ARHGAP22: variants seen among roughly 807,000 people sequenced by gnomAD.
ARHGAP22 encodes rho GTPase-activating protein 22.
In ARHGAP22, 48 loss-of-function variants were observed where a neutral mutation model predicts 59.1. That is an observed-to-expected ratio of 0.81 (90% CI 0.64 to 1.03). The LOEUF (loss-of-function observed/expected upper bound fraction) is 1.03. Among genes scored for constraint, ARHGAP22 ranks in the 50% least tolerant of loss-of-function variants. The pLI is 0.00. For synonymous variants in ARHGAP22, 445 were observed against 416.4 expected, an observed-to-expected ratio of 1.07 and a Z score of -0.84; for missense variants, 1,015 against 958.7, an observed-to-expected ratio of 1.06 and a Z score of -0.78.
intron 1 of ARHGAP22, among the ~76,000 whole-genome samples, chr10:48,624,694 C>T (rs1259995460): frequency 6.6e-6 from 1 of 152,170 alleles, no homozygotes; most frequent in Non-Finnish European, 1.5e-5. Context: ...ATTGGGTTAA[C>T]CAGAAGACAG....
chr10:48,521,874 A>T (rs2053836030), intron 3 of ARHGAP22, among the ~76,000 whole-genome samples: 2 of 152,244 alleles, frequency 1.3e-5, no homozygotes, highest in African/African-American at 4.8e-5. Flanking sequence ...TAGCAGGCAC[A>T]ACTGTGCCAG....
chr10:48,502,301 T>C (rs1272147809), intron 3 of ARHGAP22, among the ~76,000 whole-genome samples: 4 of 152,182 alleles, frequency 2.6e-5, no homozygotes, highest in Non-Finnish European at 2.9e-5. Context: ...AGGAGGACTC[T>C]GATTTTTCTC....
At chr10:48,430,599 A>C in the ARHGAP22 span, 5 of 152,766 alleles carry the variant, frequency 3.3e-5, no homozygotes, top group African/African-American at 1.2e-4. Flanking sequence ...AGAGAAAAAG[A>C]TTCCCATGGA....
chr10:48,460,439 A>C (rs1051013664), intron 4 of ARHGAP22, among the ~76,000 whole-genome samples: 4 of 152,174 alleles, frequency 2.6e-5, no homozygotes, highest in Non-Finnish European at 4.4e-5. Flanking sequence ...ATACCACCTC[A>C]CACCCACTAG....
intron 7 of ARHGAP22, 140 bp from the exon 8 acceptor site, chr10:48,453,565 G>T: frequency 7.7e-7 from 1 of 1,303,656 alleles, no homozygotes; most frequent in Non-Finnish European, 1.1e-6. Context: ...GCCTGCCTCT[G>T]CCAGGCTCGA....
At chr10:48,520,043 C>T (rs551407910) in intron 3 of ARHGAP22, among the ~76,000 whole-genome samples, 2 of 152,102 alleles carry the variant, frequency 1.3e-5, no homozygotes, top group Non-Finnish European at 2.9e-5. Flanking sequence ...GCCTCCAGGG[C>T]AGGAGCACAG....
intron 4 of ARHGAP22, among the ~76,000 whole-genome samples, chr10:48,478,738 T>C (rs2048978934): frequency 6.6e-6 from 1 of 152,140 alleles, no homozygotes; most frequent in African/African-American, 2.4e-5. Context: ...GAGTCACCTT[T>C]CATTTCTCTC....
At chr10:48,648,254 A>C (rs1317549006) in intron 1 of ARHGAP22, among the ~76,000 whole-genome samples, 1 of 152,190 alleles carries the variant, frequency 6.6e-6, no homozygotes, top group Non-Finnish European at 1.5e-5. Context: ...CATGAAGAAA[A>C]AAAGATGGGA....
intron 3 of ARHGAP22, among the ~76,000 whole-genome samples, chr10:48,512,394 TA>T (rs1458573516): frequency 6.6e-6 from 1 of 152,262 alleles, no homozygotes; most frequent in East Asian, 1.9e-4. Context: ...GGACAATTAA[TA>T]AAGTCCACTT....
intron 2 of ARHGAP22, among the ~76,000 whole-genome samples, chr10:48,572,452 C>A (rs1588866074): frequency 6.6e-6 from 1 of 152,214 alleles, no homozygotes; most frequent in East Asian, 1.9e-4. Flanking sequence ...CTGGCTCTGA[C>A]CAGTTAACAA....
At chr10:48,458,431 G>A (rs1423564007) in intron 5 of ARHGAP22, among the ~76,000 whole-genome samples, 2 of 152,094 alleles carry the variant, frequency 1.3e-5, no homozygotes, top group Non-Finnish European at 2.9e-5. Context: ...GAGAGCAGGT[G>A]TGCCCAGGTG....
At chr10:48,637,611 A>G (rs967636902) in intron 1 of ARHGAP22, among the ~76,000 whole-genome samples, 1 of 151,860 alleles carries the variant, frequency 6.6e-6, no homozygotes, top group African/African-American at 2.4e-5. Context: ...GGGTGGGTGA[A>G]TGGATGGATG....
chr10:48,569,485 G>A (rs1329669308), intron 2 of ARHGAP22, among the ~76,000 whole-genome samples: 1 of 152,172 alleles, frequency 6.6e-6, no homozygotes, highest in Non-Finnish European at 1.5e-5. Flanking sequence ...ATGCTCTTCT[G>A]AACAATGAAT....
chr10:48,453,351 G>A lies in ARHGAP22; in HGVS notation c.941C>T (p.Pro314Leu). ...CTCTACCTGTGGCCGCAGAATGTTA[G>A]GTCCAAAAACGGTTGCCAGATTCTG... ...SVQNLATVFG[P>L]NILRPQVEDP... The change falls in exon 8 of 10, where the codon CCT becomes CTT. Residue 314 changes from proline to leucine, a missense_variant. By Grantham distance (98) the Pro-to-Leu change is moderately conservative. Transcript: ENST00000249601. The A allele has an allele frequency of 6.2e-7, 1 of 1,614,044 alleles. No individual in the cohort carries two copies. The highest frequency in any genetic ancestry group is 8.5e-7 in the Non-Finnish European group (1 of 1,179,998).
chr10:48,560,245 A>G (rs76954111), intron 2 of ARHGAP22, among the ~76,000 whole-genome samples: 3,905 of 152,250 alleles, frequency 0.026, 58 homozygotes, highest in Middle Eastern at 0.051. Flanking sequence ...AAAAATGCCT[A>G]CTGGGATTGT....
chr10:48,565,958 G>A (rs545072326), intron 2 of ARHGAP22, among the ~76,000 whole-genome samples: 123 of 152,216 alleles, frequency 8.1e-4, no homozygotes, highest in African/African-American at 2.9e-3. Flanking sequence ...AGTGTGTGAT[G>A]ACAGTCCATG....
At chr10:48,487,205 C>A (rs2049946390) in intron 3 of ARHGAP22, among the ~76,000 whole-genome samples, 2 of 152,152 alleles carry the variant, frequency 1.3e-5, no homozygotes, top group African/African-American at 2.4e-5. Flanking sequence ...GGTTATCCTG[C>A]AGCTCGCTGA....
At chr10:48,618,341 C>T (rs1178222212) in intron 1 of ARHGAP22, among the ~76,000 whole-genome samples, 2 of 152,022 alleles carry the variant, frequency 1.3e-5, no homozygotes, top group African/African-American at 4.8e-5. Context: ...CAAATTCATT[C>T]CATGAGCCTA....
rs936155327 is a variant in ARHGAP22 at position 48,556,858 on chromosome 10, G to C, written c.235-1308C>G. ...GGGGCAAAGTCACCTGCTGTATCCA[G>C]GTCGCCTCCTGCCTCTACCCCCATG... On this transcript the variant is annotated intron_variant, in intron 2 of 9. Transcript: ENST00000249601. 4.1e-4 allele frequency among the ~76,000 whole-genome samples: 62 copies of C among 152,066 alleles called. 1 individual carries two copies. The highest frequency in any genetic ancestry group is 6.2e-4 in the Non-Finnish European group (42 of 68,000).
Sources: gnomAD v4.1 joint callset for allele counts (sites outside exome capture counted in the v4.1 genomes callset) on GRCh38, gnomAD v4.1.1 for gene constraint, MANE v1.5 for transcripts, NCBI Gene and HGNC (gene_info 2026-07-23, HGNC 2026-07-21) for gene names.